The following GRIP1 variants were observed in gnomAD, a reference collection of about 807,000 sequenced individuals.
The protein encoded by GRIP1 is glutamate receptor-interacting protein 1.
GRIP1 carries 45 observed loss-of-function variants against 129.9 expected under a neutral mutation model. The observed-to-expected ratio is 0.35, with a 90% CI of 0.27 to 0.44. The LOEUF (loss-of-function observed/expected upper bound fraction) is 0.44. Among genes scored for constraint, GRIP1 ranks in the 20% least tolerant of loss-of-function variants. The pLI, the probability that GRIP1 is intolerant of heterozygous loss-of-function variation, is 1.00. For missense variants in GRIP1, 1,196 were observed against 1,396.8 expected (o/e 0.86, Z 2.29); for synonymous variants, 530 against 520.8 (o/e 1.02, Z -0.24).
At chr12:66,962,530 A>T (rs946669194) in intron 1 of GRIP1, among the ~76,000 whole-genome samples, 4 of 152,160 alleles carry the variant, frequency 2.6e-5, no homozygotes, top group South Asian at 2.1e-4. Flanking sequence ...CAACAAAAAC[A>T]GGCAGGAAGC....
At chr12:66,932,759 T>C (rs1354486185) in intron 1 of GRIP1, among the ~76,000 whole-genome samples, 7 of 152,200 alleles carry the variant, frequency 4.6e-5, no homozygotes, top group Admixed American at 2.0e-4. Context: ...ATCTCTGCCA[T>C]CTGGGTTCAA....
At chr12:66,705,126 C>CT (rs1667404288) in intron 1 of GRIP1, among the ~76,000 whole-genome samples, 2 of 152,024 alleles carry the variant, frequency 1.3e-5, no homozygotes. Flanking sequence ...ATCATTTTTA[C>CT]TTTTCTTTTT....
chr12:66,522,902 T>C (rs529354885), intron 5 of GRIP1, among the ~76,000 whole-genome samples: 2 of 152,148 alleles, frequency 1.3e-5, no homozygotes, highest in Admixed American at 1.3e-4. Context: ...CAGGAGCCGA[T>C]GCGCTCAACT....
chr12:66,650,065 G>A (rs1021910293), intron 1 of GRIP1, among the ~76,000 whole-genome samples: 11 of 152,096 alleles, frequency 7.2e-5, no homozygotes, highest in Non-Finnish European at 1.3e-4. Flanking sequence ...TTTGCCTGTC[G>A]TGCCCAACGG....
chr12:66,448,240 T>C (rs2058685985), intron 11 of GRIP1, among the ~76,000 whole-genome samples: 1 of 152,088 alleles, frequency 6.6e-6, no homozygotes, highest in Non-Finnish European at 1.5e-5. Flanking sequence ...CTACTATTTC[T>C]GTGAACAGGA....
At chr12:66,747,474 C>A (rs933412287) in intron 1 of GRIP1, among the ~76,000 whole-genome samples, 1 of 152,120 alleles carries the variant, frequency 6.6e-6, no homozygotes, top group South Asian at 2.1e-4. Context: ...GTAAAAGAAG[C>A]ATTTCTTTCC....
chr12:66,430,250 A>G (rs751297265), intron 14 of GRIP1, among the ~76,000 whole-genome samples: 5 of 152,172 alleles, frequency 3.3e-5, no homozygotes, highest in Non-Finnish European at 5.9e-5. Flanking sequence ...GTCATCTGGC[A>G]AAATATGAGT....
At chr12:66,874,602 G>T (rs375600604) in intron 1 of GRIP1, among the ~76,000 whole-genome samples, 2 of 152,030 alleles carry the variant, frequency 1.3e-5, no homozygotes, top group African/African-American at 4.8e-5. Flanking sequence ...GGAAGAAGGC[G>T]AAGGGAGAGC....
chr12:66,784,603 C>T (rs2038261508), intron 1 of GRIP1, among the ~76,000 whole-genome samples: 1 of 152,114 alleles, frequency 6.6e-6, no homozygotes, highest in Non-Finnish European at 1.5e-5. Context: ...AATCTATTTG[C>T]TATCCTAATT....
At chr12:66,395,868 C>A (rs1179988992) in intron 16 of GRIP1, among the ~76,000 whole-genome samples, 1 of 152,138 alleles carries the variant, frequency 6.6e-6, no homozygotes, top group Admixed American at 6.5e-5. Flanking sequence ...GAAGTTGTGG[C>A]CAATAGGCTG....
chr12:66,862,843 T>C (rs1365783456), intron 1 of GRIP1, among the ~76,000 whole-genome samples: 1 of 152,046 alleles, frequency 6.6e-6, no homozygotes, highest in African/African-American at 2.4e-5. Flanking sequence ...GCATTACTCT[T>C]CTCTTCCCAT....
intron 1 of GRIP1, among the ~76,000 whole-genome samples, chr12:66,890,033 A>C (rs914616432): frequency 6.6e-6 from 1 of 151,970 alleles, no homozygotes. Context: ...AGGCTCTCAA[A>C]CTGTCCTCCC....
intron 1 of GRIP1, among the ~76,000 whole-genome samples, chr12:66,834,747 G>C (rs1369899062): frequency 6.6e-6 from 1 of 151,904 alleles, no homozygotes; most frequent in East Asian, 1.9e-4. Context: ...AATACCAAAG[G>C]CATGATCCAT....
At chr12:66,583,544 C>T (rs1442951635) in intron 2 of GRIP1, among the ~76,000 whole-genome samples, 1,984 of 129,074 alleles carry the variant, frequency 0.015, 133 homozygotes, top group African/African-American at 0.055. Flanking sequence ...CTACAATGAA[C>T]TCAAACCAAT....
At chr12:66,434,027 T>C (rs2058227482) in intron 13 of GRIP1, among the ~76,000 whole-genome samples, 1 of 152,198 alleles carries the variant, frequency 6.6e-6, no homozygotes, top group Non-Finnish European at 1.5e-5. Flanking sequence ...CTCCCTTCTT[T>C]GTTTGGCCTT....
chr12:66,851,040 G>C (rs2039902434), intron 1 of GRIP1, among the ~76,000 whole-genome samples: 1 of 150,140 alleles, frequency 6.7e-6, no homozygotes, highest in African/African-American at 2.5e-5. Context: ...AGTGATTTGA[G>C]GTAAATACTC....
chr12:66,586,680 T>C (rs114851899), intron 2 of GRIP1, among the ~76,000 whole-genome samples: 347 of 152,294 alleles, frequency 2.3e-3, no homozygotes, highest in African/African-American at 7.7e-3. Flanking sequence ...GCAAAAACCC[T>C]GGAATTATCC....
intron 11 of GRIP1, among the ~76,000 whole-genome samples, chr12:66,447,874 C>T (rs1808307950): frequency 1.3e-5 from 2 of 152,236 alleles, no homozygotes; most frequent in Non-Finnish European, 2.9e-5. Context: ...GTGGCCTCAT[C>T]TGCTCTAGCT....
chr12:66,697,551 C>T (rs539714472), intron 1 of GRIP1, among the ~76,000 whole-genome samples: 33 of 152,304 alleles, frequency 2.2e-4, no homozygotes, highest in African/African-American at 7.7e-4. Context: ...CAGCTCCAGA[C>T]TCACTTGGGG....
Sources: allele counts gnomAD v4.1 joint callset (sites outside exome capture counted in the v4.1 genomes callset), GRCh38; gene constraint gnomAD v4.1.1; transcripts MANE v1.5; gene names NCBI Gene and HGNC (gene_info 2026-07-23, HGNC 2026-07-21).